Variants in RALA observed in about 807,000 individuals in gnomAD.
RALA encodes ras-related protein Ral-A.
RALA carries 5 observed loss-of-function variants against 24.0 expected under a neutral mutation model. The observed-to-expected ratio is 0.21, with a 90% CI of 0.11 to 0.44. The LOEUF (loss-of-function observed/expected upper bound fraction) is 0.44, where lower values mean the gene tolerates loss of function less well. Ranked by LOEUF, RALA falls within the 20% of genes least tolerant of loss-of-function variation. The probability of loss-of-function intolerance (pLI) is 0.99; values close to 1 mark genes in which losing one functional copy is unlikely to be tolerated. For missense variants in RALA, 95 were observed against 241.2 expected, an observed-to-expected ratio of 0.39 and a Z score of 4.01; for synonymous variants, 77 against 83.8, an observed-to-expected ratio of 0.92 and a Z score of 0.44.
At chr7:39,663,346 T>C (rs1168212811) in intron 1 of RALA, among the ~76,000 whole-genome samples, 1 of 152,238 alleles carries the variant, frequency 6.6e-6, no homozygotes, top group East Asian at 1.9e-4. Context: ...TGAGCTCAAA[T>C]GTTGCAAATA....
intron 4 of RALA, among the ~76,000 whole-genome samples, chr7:39,703,780 G>C (rs534097475): frequency 6.6e-6 from 1 of 152,278 alleles, no homozygotes; most frequent in African/African-American, 2.4e-5. Flanking sequence ...TTACACTGAA[G>C]ATCTTGGTTC....
intron 1 of RALA, among the ~76,000 whole-genome samples, chr7:39,653,867 AT>A (rs1792056708): frequency 6.6e-6 from 1 of 152,090 alleles, no homozygotes; most frequent in South Asian, 2.1e-4. Flanking sequence ...CTCCAAAATC[AT>A]TTTCTAGAGT....
chr7:39,626,906 A>T (rs1232149382), intron 1 of RALA, among the ~76,000 whole-genome samples: 1 of 152,216 alleles, frequency 6.6e-6, no homozygotes, highest in African/African-American at 2.4e-5. Context: ...GAGACCATTA[A>T]TCATTTTCTC....
At chr7:39,649,332 T>C (rs1232748956) in intron 1 of RALA, among the ~76,000 whole-genome samples, 2 of 152,236 alleles carry the variant, frequency 1.3e-5, no homozygotes, top group Non-Finnish European at 2.9e-5. Context: ...ATATAGATGC[T>C]ATACTGAGTA....
At chr7:39,697,953 G>GTGTGTGTGTGTGTGTGTGTGTGTGTGTA in intron 4 of RALA, among the ~76,000 whole-genome samples, 1 of 126,488 alleles carries the variant, frequency 7.9e-6, no homozygotes, top group East Asian at 2.0e-4. Context: ...GGGCAAGTGT[G>GTGTGTGTGTGTGTGTGTGTGTGTGTGTA]TGTGTGTGTG....
intron 1 of RALA, among the ~76,000 whole-genome samples, chr7:39,681,099 C>G (rs1210482126): frequency 2.0e-5 from 3 of 152,146 alleles, no homozygotes; most frequent in African/African-American, 7.2e-5. Context: ...CTAGAGTTCA[C>G]TCTGTCTTCT....
chr7:39,679,083 T>TC (rs1470754573), intron 1 of RALA, among the ~76,000 whole-genome samples: 1 of 151,848 alleles, frequency 6.6e-6, no homozygotes, highest in Non-Finnish European at 1.5e-5. Context: ...TTTTTTTTTT[T>TC]TTCCACTTTA....
At chr7:39,692,212 C>T (rs1388416280) in intron 3 of RALA, among the ~76,000 whole-genome samples, 1 of 152,156 alleles carries the variant, frequency 6.6e-6, no homozygotes, top group East Asian at 1.9e-4. Flanking sequence ...TCCCTTTAGC[C>T]TTCCTGGTCA....
At chr7:39,699,886 G>C (rs1792992725) in intron 4 of RALA, among the ~76,000 whole-genome samples, 1 of 152,146 alleles carries the variant, frequency 6.6e-6, no homozygotes, top group African/African-American at 2.4e-5. Context: ...GAGCTGTGCA[G>C]ATTTTTTTTT....
At chr7:39,659,564 A>C (rs887889548) in intron 1 of RALA, among the ~76,000 whole-genome samples, 1 of 152,202 alleles carries the variant, frequency 6.6e-6, no homozygotes, top group Non-Finnish European at 1.5e-5. Context: ...AGCTTACCCT[A>C]CATGATTCGT....
chr7:39,687,199 A>G (rs1341547160), intron 2 of RALA, among the ~76,000 whole-genome samples: 2 of 152,118 alleles, frequency 1.3e-5, no homozygotes, highest in Non-Finnish European at 2.9e-5. Context: ...AGGCCAAGAC[A>G]GGCAGATCAC....
intron 4 of RALA, among the ~76,000 whole-genome samples, chr7:39,704,239 G>C (rs563120803): frequency 6.6e-6 from 1 of 151,194 alleles, no homozygotes; most frequent in Non-Finnish European, 1.5e-5. Context: ...TTTATCCTTA[G>C]CATCTATTCT....
At chr7:39,625,170 A>G (rs1233388416) in intron 1 of RALA, among the ~76,000 whole-genome samples, 1 of 152,102 alleles carries the variant, frequency 6.6e-6, no homozygotes, top group Non-Finnish European at 1.5e-5. Flanking sequence ...GGAGTTGCTT[A>G]TTTTTGTTGG....
At chr7:39,656,320 C>G (rs1792095450) in intron 1 of RALA, among the ~76,000 whole-genome samples, 2 of 152,136 alleles carry the variant, frequency 1.3e-5, no homozygotes, top group Admixed American at 1.3e-4. Context: ...CCCATCTATT[C>G]ATGTTTGCTA....
At chr7:39,697,288 C>T (rs958441777) in intron 4 of RALA, 48 of 439,550 alleles carry the variant, frequency 1.1e-4, no homozygotes, top group African/African-American at 4.5e-4. Flanking sequence ...CAGATAAGAG[C>T]GTTTTAAAAT....
At chr7:39,632,968 G>A (rs1239959791) in intron 1 of RALA, among the ~76,000 whole-genome samples, 1 of 152,176 alleles carries the variant, frequency 6.6e-6, no homozygotes, top group Non-Finnish European at 1.5e-5. Context: ...AAGCAGCCCT[G>A]AGTTTTCTTG....
intron 1 of RALA, among the ~76,000 whole-genome samples, chr7:39,656,866 G>A (rs1256429800): frequency 6.6e-6 from 1 of 152,308 alleles, no homozygotes; most frequent in East Asian, 1.9e-4. Flanking sequence ...AGTTTCCAGT[G>A]ATGTCACATC....
At chr7:39,656,176 G>A (rs1562613351) in intron 1 of RALA, among the ~76,000 whole-genome samples, 1 of 152,148 alleles carries the variant, frequency 6.6e-6, no homozygotes, top group African/African-American at 2.4e-5. Context: ...ATCCTGTCAA[G>A]TGAACTGTAA....
At chr7:39,625,581 C>T (rs1393913155) in intron 1 of RALA, among the ~76,000 whole-genome samples, 2 of 152,164 alleles carry the variant, frequency 1.3e-5, no homozygotes, top group African/African-American at 2.4e-5. Flanking sequence ...TTACCAATAG[C>T]CTCTTTTACA....
Sources: gnomAD v4.1 joint callset for allele counts (sites outside exome capture counted in the v4.1 genomes callset) on GRCh38, gnomAD v4.1.1 for gene constraint, MANE v1.5 for transcripts, NCBI Gene and HGNC (gene_info 2026-07-23, HGNC 2026-07-21) for gene names.